RIC1: variants seen among roughly 807,000 people sequenced by gnomAD.
The protein encoded by RIC1 is guanine nucleotide exchange factor subunit RIC1.
In RIC1, 88 loss-of-function variants were observed where a neutral mutation model predicts 169.0. That is an observed-to-expected ratio of 0.52 (90% CI 0.44 to 0.62). The LOEUF is 0.62. RIC1 is among the 20% of genes least tolerant of loss of function. The pLI is 0.00. For missense variants in RIC1, 1,877 were observed against 1,725.5 expected, an observed-to-expected ratio of 1.09 and a Z score of -1.56; for synonymous variants, 790 against 601.5, an observed-to-expected ratio of 1.31 and a Z score of -4.59.
intron 1 of RIC1, among the ~76,000 whole-genome samples, chr9:5,634,520 T>C (rs1817875363): frequency 6.6e-6 from 1 of 152,220 alleles, no homozygotes; most frequent in Non-Finnish European, 1.5e-5. Context: ...TGGTAAAACA[T>C]CTGTTCAGAT....
chr9:5,751,387 A>T (rs1825715461), intron 12 of RIC1, among the ~76,000 whole-genome samples: 1 of 151,652 alleles, frequency 6.6e-6, no homozygotes, highest in South Asian at 2.1e-4. Flanking sequence ...ACAGAGTCTC[A>T]CTCTGTTGCC....
At chr9:5,684,669 C>T (rs1053568964) in intron 2 of RIC1, among the ~76,000 whole-genome samples, 26 of 152,114 alleles carry the variant, frequency 1.7e-4, no homozygotes, top group African/African-American at 6.0e-4. Flanking sequence ...ATATCAAAAA[C>T]AGTTTTACTT....
rs546151594 is a variant in RIC1, at chr9:5,715,802, C to G, written c.440+1799C>G. 3.4e-4 allele frequency among the ~76,000 whole-genome samples: 52 copies of G among 151,090 alleles called. No individual in the cohort carries two copies. In the East Asian group the frequency reaches 9.2e-3, roughly 27 times the overall value. On this transcript the variant is annotated intron_variant, in intron 4 of 25. Coordinates refer to ENST00000414202, the MANE Select transcript of RIC1 (RefSeq NM_020829.4). ...AGAGTTTCCCCTCCCCTCCCTTCCC[C>G]TCCCCTCCCATCCCCTTCCCTACCT...
intron 2 of RIC1, among the ~76,000 whole-genome samples, chr9:5,671,274 A>ATTTT (rs1231921630): frequency 1.5e-5 from 2 of 136,160 alleles, no homozygotes; most frequent in African/African-American, 6.1e-5. Flanking sequence ...TATTATTATT[A>ATTTT]TTTTTTTTTT....
chr9:5,665,973 A>G (rs559963005), intron 2 of RIC1, among the ~76,000 whole-genome samples: 1 of 152,168 alleles, frequency 6.6e-6, no homozygotes, highest in South Asian at 2.1e-4. Flanking sequence ...TGTGTTGGGG[A>G]TTCCTTCAGC....
rs1359997696 is a variant in RIC1 at position 5,743,085 on chromosome 9, T to G, written c.1046+72T>G. 4 of 1,444,146 alleles carry G rather than the reference T, an allele frequency of 2.8e-6. No individual in the cohort carries two copies. In the African/African-American group the frequency reaches 5.7e-5, roughly 21 times the overall value. 89.5% of individuals were successfully genotyped at this position (1,444,146 alleles called of 1,614,324 possible). On this transcript the variant is annotated intron_variant, in intron 9 of 25. Transcript: ENST00000414202. ...TCACAATGCATGCATACAAAAACCT[T>G]GTGTCAGAACTTCCCTTTTTGCCTT...
chr9:5,705,236 G>C (rs183856801), intron 3 of RIC1, among the ~76,000 whole-genome samples: 215 of 140,868 alleles, frequency 1.5e-3, no homozygotes, highest in African/African-American at 5.2e-3. Flanking sequence ...GATTTTGGTA[G>C]AAATTGCATT....
chr9:5,753,290 A>G, intron 13 of RIC1, 52 bp downstream of exon 13: 1 of 1,533,682 alleles, frequency 6.5e-7, no homozygotes, highest in Non-Finnish European at 9.0e-7. Flanking sequence ...ATTTGCTGCA[A>G]GAGGCATTCT....
intron 2 of RIC1, among the ~76,000 whole-genome samples, chr9:5,667,138 G>A (rs1330946674): frequency 6.6e-6 from 1 of 151,976 alleles, no homozygotes; most frequent in Non-Finnish European, 1.5e-5. Flanking sequence ...GAGCCTGGGG[G>A]ACATAGCATA....
intron 1 of RIC1, among the ~76,000 whole-genome samples, chr9:5,655,888 A>C (rs1819067276): frequency 6.6e-6 from 1 of 151,828 alleles, no homozygotes; most frequent in Admixed American, 6.6e-5. Context: ...TGTTTTTGAG[A>C]CAGAGTCTCG....
intron 2 of RIC1, among the ~76,000 whole-genome samples, chr9:5,671,107 A>G (rs1820064933): frequency 6.6e-6 from 1 of 152,124 alleles, no homozygotes; most frequent in Non-Finnish European, 1.5e-5. Flanking sequence ...CTCTGGAATA[A>G]TGACTGGTAA....
intron 21 of RIC1, among the ~76,000 whole-genome samples, chr9:5,766,985 C>T (rs1265425048): frequency 6.6e-6 from 1 of 152,196 alleles, no homozygotes; most frequent in Non-Finnish European, 1.5e-5. Flanking sequence ...TCCCTGATGG[C>T]CACATCCATG....
chr9:5,711,620 C>G (rs1443763691), intron 3 of RIC1, among the ~76,000 whole-genome samples: 3 of 151,626 alleles, frequency 2.0e-5, no homozygotes, highest in Admixed American at 1.3e-4. Flanking sequence ...TACATGTGCA[C>G]AATGTGCAGG....
intron 15 of RIC1, among the ~76,000 whole-genome samples, chr9:5,755,963 A>G (rs930366809): frequency 3.3e-5 from 5 of 151,144 alleles, no homozygotes; most frequent in African/African-American, 1.2e-4. Flanking sequence ...AAGCAGGTCT[A>G]AAAGGAATAT....
intron 2 of RIC1, among the ~76,000 whole-genome samples, chr9:5,664,987 C>T (rs1432795481): frequency 6.6e-6 from 1 of 152,106 alleles, no homozygotes; most frequent in East Asian, 1.9e-4. Flanking sequence ...TCTAAACTGG[C>T]TCCTCCTAGT....
rs141890565 is a variant in RIC1 at position 5,643,064 on chromosome 9, CCTAGGTGGGAGG to C, written c.145-13518_145-13507del. Among the ~76,000 whole-genome samples, 1,376 of 152,064 alleles carry C rather than the reference CCTAGGTGGGAGG, an allele frequency of 9.0e-3. 18 individuals carry two copies. Among genetic ancestry groups the C allele is most frequent in the African/African-American group, 0.032 (1,318 of 41,466 alleles). Reference sequence around the variant, plus strand: ...CCTGTAACCTCAGCACTTTTGGGGGCCTAGGTGGGAGGATCACTTGAGCCCAGGAGTTCAAGA... The same window carrying C: ...CCTGTAACCTCAGCACTTTTGGGGGCATCACTTGAGCCCAGGAGTTCAAGA... On this transcript the variant is annotated intron_variant, in intron 1 of 25. Coordinates refer to ENST00000414202, the MANE Select transcript of RIC1 (RefSeq NM_020829.4).
At chr9:5,645,357 A>C (rs916716960) in intron 1 of RIC1, among the ~76,000 whole-genome samples, 4 of 152,222 alleles carry the variant, frequency 2.6e-5, no homozygotes, top group African/African-American at 9.6e-5. Context: ...TTTAAGTGGA[A>C]TATTTCTCTT....
chr9:5,763,265 G>T lies in RIC1; in HGVS notation c.2238G>T (p.Met746Ile), dbSNP rs1354184359. The T allele has an allele frequency of 3.7e-6, 6 of 1,614,030 alleles. No individual in the cohort carries two copies. The East Asian group carries it at 1.3e-4, about 36-fold the overall frequency. ...GGCTGAGCTGTGGTGGTGCAGGGAT[G>T]AAAGTTTGGCTCCCTCTCTTCCCTA... The part of the protein sequence containing the change: ...ALWLSCGGAG[M>I]KVWLPLFPRD... Residue 746 changes from methionine to isoleucine, a missense_variant, in exon 19 of 26, where the codon ATG (methionine) becomes ATT (isoleucine). By Grantham distance (10) the Met-to-Ile change is conservative. Transcript: ENST00000414202. This position sits in a 1 kb window ranked among gnomAD's most constrained non-coding sequence, Gnocchi z 5.2.
chr9:5,678,186 T>A (rs1236067563), intron 2 of RIC1, among the ~76,000 whole-genome samples: 1 of 152,222 alleles, frequency 6.6e-6, no homozygotes, highest in East Asian at 1.9e-4. Context: ...CTCATCCTTT[T>A]TTATGGCTGC....
Sources: gnomAD v4.1 joint callset for allele counts (sites outside exome capture counted in the v4.1 genomes callset) on GRCh38, gnomAD v4.1.1 for gene constraint, Gnocchi (gnomAD v3.1) non-coding constraint, MANE v1.5 for transcripts, NCBI Gene and HGNC (gene_info 2026-07-23, HGNC 2026-07-21) for gene names.